The following DOCK5 variants were observed in gnomAD, a reference collection of about 807,000 sequenced individuals.
DOCK5 encodes dedicator of cytokinesis protein 5.
DOCK5 carries 142 observed loss-of-function variants against 251.8 expected under a neutral mutation model. That is an observed-to-expected ratio of 0.56 (90% CI 0.49 to 0.65). The LOEUF (loss-of-function observed/expected upper bound fraction) is 0.65. DOCK5 is among the 30% of genes least tolerant of loss of function. The pLI is 0.00. For synonymous variants in DOCK5, 842 were observed against 835.5 expected (o/e 1.01, Z -0.13); for missense variants, 2,111 against 2,312.3 (o/e 0.91, Z 1.79).
intron 38 of DOCK5, 77 bp from the exon 39 acceptor site, chr8:25,380,228 A>G (rs1422040118): frequency 7.5e-7 from 1 of 1,326,984 alleles, no homozygotes; most frequent in Non-Finnish European, 1.1e-6. Flanking sequence ...ATTCCCAGTG[A>G]CTCGCCAGTG....
intron 45 of DOCK5, among the ~76,000 whole-genome samples, chr8:25,397,232 A>G (rs1360496902): frequency 6.6e-6 from 1 of 152,126 alleles, no homozygotes; most frequent in African/African-American, 2.4e-5. Flanking sequence ...AAAAAAAAAA[A>G]AGAAGAAAAA....
intron 26 of DOCK5, among the ~76,000 whole-genome samples, chr8:25,350,829 T>C (rs963274163): frequency 5.9e-5 from 9 of 152,190 alleles, no homozygotes; most frequent in African/African-American, 2.2e-4. Context: ...TGACCTCATC[T>C]AACCTTCATT....
At chr8:25,374,735 G>A in intron 37 of DOCK5, 81 bp downstream of exon 37, 1 of 1,610,736 alleles carries the variant, frequency 6.2e-7, no homozygotes, top group Non-Finnish European at 8.5e-7. Context: ...TCATGATTTT[G>A]ATGGGAAAGA....
chr8:25,234,793 C>T (rs549697553), intron 1 of DOCK5, among the ~76,000 whole-genome samples: 19 of 152,302 alleles, frequency 1.2e-4, no homozygotes, highest in Non-Finnish European at 1.9e-4. Flanking sequence ...CTGTATTTAG[C>T]GGCCTGCAAT....
At chr8:25,263,178 C>T (rs1476931826) in intron 2 of DOCK5, among the ~76,000 whole-genome samples, 1 of 151,602 alleles carries the variant, frequency 6.6e-6, no homozygotes, top group African/African-American at 2.4e-5. Flanking sequence ...TTATCAGTTT[C>T]TTTTTTTTCT....
intron 5 of DOCK5, among the ~76,000 whole-genome samples, chr8:25,283,630 C>CT (rs11383505): frequency 0.66 from 100,815 of 151,808 alleles, 36,749 homozygotes; most frequent in Non-Finnish European, 0.83. Context: ...TAGCTTCTCT[C>CT]TTACCCGACT....
chr8:25,209,131 C>T (rs1208997991), intron 1 of DOCK5, among the ~76,000 whole-genome samples: 1 of 152,112 alleles, frequency 6.6e-6, no homozygotes, highest in Admixed American at 6.6e-5. Context: ...GCCGCGGGTG[C>T]ACTGCTCTAG....
At chr8:25,292,291 G>A (rs1804513245) in intron 6 of DOCK5, 119 bp downstream of exon 6, 3 of 1,167,172 alleles carry the variant, frequency 2.6e-6, no homozygotes, top group Non-Finnish European at 2.3e-6. Flanking sequence ...AATGCTTACT[G>A]CTCTCATTTT....
chr8:25,388,259 T>TGGAC (rs1801199149), intron 40 of DOCK5, among the ~76,000 whole-genome samples: 1 of 152,228 alleles, frequency 6.6e-6, no homozygotes, highest in African/African-American at 2.4e-5. Context: ...TTTATATGAA[T>TGGAC]GGACAAGTGA....
Position 25,292,166 on chromosome 8 carries a change from G to A in DOCK5, c.464G>A (p.Gly155Glu). Residue 155 changes from glycine to glutamate, a missense_variant, in exon 6 of 52, where the codon GGG (glycine) becomes GAG (glutamate). This residue lies in a region of DOCK5 where 335 missense variants were observed against 324.9 expected (regional missense o/e 1.03). Transcript: ENST00000276440. ...KKKVTAKIDH[G>E]NRMLGLDLVV... ...AAAGTCACAGCCAAAATTGATCATG[G>A]GAACAGGTAGGTAAACCAGGGATGG... The A allele has an allele frequency of 1.3e-6, 2 of 1,571,880 alleles. No homozygotes were observed. The highest frequency in any genetic ancestry group is 1.7e-6 in the Non-Finnish European group (2 of 1,160,040).
chr8:25,239,453 A>G (rs766887044), intron 1 of DOCK5, among the ~76,000 whole-genome samples: 2 of 151,386 alleles, frequency 1.3e-5, no homozygotes, highest in African/African-American at 2.4e-5. Flanking sequence ...TACTTTTCCA[A>G]TGACCGGAAC....
chr8:25,196,699 A>G (rs1364704480), intron 1 of DOCK5, among the ~76,000 whole-genome samples: 1 of 152,228 alleles, frequency 6.6e-6, no homozygotes, highest in East Asian at 1.9e-4. Context: ...ATCTCATTGT[A>G]CTTAATTTTA....
At chr8:25,248,627 C>T in intron 2 of DOCK5, among the ~76,000 whole-genome samples, 1 of 152,032 alleles carries the variant, frequency 6.6e-6, no homozygotes, top group Non-Finnish European at 1.5e-5. Context: ...CTGCCCACCG[C>T]CCGGGACAGA....
intron 1 of DOCK5, among the ~76,000 whole-genome samples, chr8:25,202,048 G>C (rs548368755): frequency 1.3e-5 from 2 of 151,852 alleles, no homozygotes; most frequent in Admixed American, 1.3e-4. Context: ...ACAGAGTCTC[G>C]CTCTGTCACC....
At chr8:25,342,610 A>G (rs1805981444) in intron 25 of DOCK5, 103 bp downstream of exon 25, 18 of 760,522 alleles carry the variant, frequency 2.4e-5, no homozygotes, top group Non-Finnish European at 3.3e-5. Context: ...TCAAAAAGCT[A>G]AAACAAGCTG....
chr8:25,217,856 ACT>A lies in DOCK5; in HGVS notation c.44-25813_44-25812del, dbSNP rs1802287718. ...AAGAGAATGGGACATGTTAGTAACGACTCTCTAACATTTGCAATCCCAGTCTT... is the reference window on the plus strand; with the variant it reads ...AAGAGAATGGGACATGTTAGTAACGACTCTAACATTTGCAATCCCAGTCTT... On this transcript the variant is annotated intron_variant, in intron 1 of 51. Coordinates refer to ENST00000276440, the MANE Select transcript of DOCK5 (RefSeq NM_024940.8). Among the ~76,000 whole-genome samples the A allele has an allele frequency of 3.3e-5, 5 of 152,118 alleles. No individual in the cohort carries two copies. In the South Asian group the frequency reaches 1.0e-3, roughly 32 times the overall value.
chr8:25,389,265 C>T (rs898826100), intron 41 of DOCK5, 33 bp downstream of exon 41: 3 of 1,604,962 alleles, frequency 1.9e-6, no homozygotes, highest in Non-Finnish European at 2.6e-6. Context: ...GGCCCCGAGG[C>T]TCTTATGGCT....
chr8:25,220,363 C>T (rs1802352515), intron 1 of DOCK5, among the ~76,000 whole-genome samples: 1 of 152,116 alleles, frequency 6.6e-6, no homozygotes, highest in Non-Finnish European at 1.5e-5. Context: ...TCACACTTAA[C>T]TGCCTTTTTT....
intron 2 of DOCK5, among the ~76,000 whole-genome samples, chr8:25,253,049 C>A (rs1349285981): frequency 6.6e-6 from 1 of 152,198 alleles, no homozygotes; most frequent in Non-Finnish European, 1.5e-5. Flanking sequence ...GCCTCAAACT[C>A]CTGGCCTCAT....
Sources: gnomAD v4.1 joint callset for allele counts (sites outside exome capture counted in the v4.1 genomes callset) on GRCh38, gnomAD v4.1.1 for gene constraint, gnomAD v4.1.1 regional missense constraint, MANE v1.5 for transcripts, NCBI Gene and HGNC (gene_info 2026-07-23, HGNC 2026-07-21) for gene names.